Variants in GARNL3 observed in about 807,000 individuals in gnomAD.
GARNL3 encodes GTPase-activating Rap/Ran-GAP domain-like protein 3.
A neutral mutation model predicts 125.0 loss-of-function variants in GARNL3; 63 were observed. The ratio of observed to expected loss-of-function variants is 0.50; its 90% CI spans 0.41 to 0.62. The LOEUF (loss-of-function observed/expected upper bound fraction) is 0.62. Ranked by LOEUF, GARNL3 falls within the 20% of genes least tolerant of loss-of-function variation. The pLI is 0.00. For missense variants in GARNL3, 994 were observed against 1,244.0 expected, an observed-to-expected ratio of 0.80 and a Z score of 3.02; for synonymous variants, 439 against 457.5, an observed-to-expected ratio of 0.96 and a Z score of 0.52.
At chr9:127,332,946 A>C (rs1829343340) in intron 8 of GARNL3, 77 bp from the exon 9 acceptor site, 8 of 993,848 alleles carry the variant, frequency 8.0e-6, no homozygotes, top group African/African-American at 1.6e-5. Context: ...TTAATTTTCC[A>C]GCGATTCCGG....
At chr9:127,333,348 T>C (rs1438247841) in intron 9 of GARNL3, among the ~76,000 whole-genome samples, 3 of 152,128 alleles carry the variant, frequency 2.0e-5, no homozygotes, top group African/African-American at 7.2e-5. Flanking sequence ...GTGTCAGAAG[T>C]CCTGGTCTGC....
intron 22 of GARNL3, among the ~76,000 whole-genome samples, chr9:127,372,149 T>C (rs1322051412): frequency 6.6e-6 from 1 of 152,248 alleles, no homozygotes; most frequent in Non-Finnish European, 1.5e-5. Context: ...TCATTCATTT[T>C]TCTTCAAAGC....
intron 7 of GARNL3, among the ~76,000 whole-genome samples, chr9:127,330,419 A>G (rs1829158863): frequency 6.6e-6 from 1 of 152,248 alleles, no homozygotes. Context: ...GAGACATCGT[A>G]TGAAAAATAA....
intron 22 of GARNL3, among the ~76,000 whole-genome samples, chr9:127,381,753 C>T (rs888464749): frequency 5.8e-5 from 8 of 137,338 alleles, no homozygotes; most frequent in Non-Finnish European, 9.2e-5. Flanking sequence ...CCCGCCACCA[C>T]GCCCGGCTAA....
intron 2 of GARNL3, among the ~76,000 whole-genome samples, chr9:127,256,086 C>G (rs1305495381): frequency 1.3e-5 from 2 of 152,174 alleles, no homozygotes; most frequent in Non-Finnish European, 2.9e-5. Context: ...GAATTATTTT[C>G]CTTATATTAA....
At chr9:127,230,646 TC>T (rs2062984000) in intron 1 of GARNL3, among the ~76,000 whole-genome samples, 1 of 135,456 alleles carries the variant, frequency 7.4e-6, no homozygotes, top group African/African-American at 2.8e-5. Flanking sequence ...AGAGTGAAAC[TC>T]CATCTCACCA....
chr9:127,291,139 T>A (rs1323253644), intron 1 of GARNL3, 29 bp from the exon 2 acceptor site: 1 of 1,606,080 alleles, frequency 6.2e-7, no homozygotes, highest in African/African-American at 1.3e-5. Flanking sequence ...TTGTAAATGC[T>A]TCCTAATTGA....
chr9:127,313,754 TG>T (rs1334603261), intron 4 of GARNL3, among the ~76,000 whole-genome samples, 195 bp downstream of exon 4: 5 of 150,386 alleles, frequency 3.3e-5, no homozygotes, highest in East Asian at 1.9e-4. Context: ...TCTGGCCTTT[TG>T]AAAAAAAAAA....
At chr9:127,273,362 C>T (rs190391919) in intron 1 of GARNL3, among the ~76,000 whole-genome samples, 7 of 152,328 alleles carry the variant, frequency 4.6e-5, no homozygotes, top group East Asian at 3.9e-4. Flanking sequence ...ACAAATACCG[C>T]TGTCCTTAAT....
At chr9:127,359,272 C>A (rs546497201) in intron 21 of GARNL3, among the ~76,000 whole-genome samples, 13 of 152,152 alleles carry the variant, frequency 8.5e-5, no homozygotes, top group Non-Finnish European at 1.9e-4. Flanking sequence ...GGCGGATCAC[C>A]TGAGGTCAGG....
At position 127,320,730 on chromosome 9, in the gene GARNL3, C is replaced by A; in HGVS notation, c.519C>A (p.Asp173Glu). 5 of 1,612,120 alleles carry A rather than the reference C, an allele frequency of 3.1e-6. No homozygotes were observed. Among genetic ancestry groups the A allele is most frequent in the Admixed American group, 3.3e-5 (2 of 59,986 alleles). ...TCTATTTCAGTGCCATGAATCTGGA[C>A]AAATTTGAGAAAGGCCCCAGGGAAA... ...VKSILSAMNL[D>E]KFEKGPREIF... Residue 173 changes from aspartate (D) to glutamate (E), a missense_variant, in exon 6 of 28, where the codon GAC becomes GAA. Around this residue, in one of 5 missense-constraint regions of GARNL3, gnomAD observed 139 missense variants for 231.6 expected, o/e 0.60. Coordinates refer to ENST00000373387, the MANE Select transcript of GARNL3 (RefSeq NM_032293.5).
intron 16 of GARNL3, among the ~76,000 whole-genome samples, chr9:127,347,099 A>G (rs558816906): frequency 6.6e-6 from 1 of 152,292 alleles, no homozygotes; most frequent in South Asian, 2.1e-4. Flanking sequence ...ACCCGTGTAA[A>G]GCAATGGACA....
intron 13 of GARNL3, among the ~76,000 whole-genome samples, chr9:127,341,469 G>A (rs1417288369): frequency 6.6e-6 from 1 of 152,220 alleles, no homozygotes; most frequent in Non-Finnish European, 1.5e-5. Flanking sequence ...CCAGAAAGCT[G>A]AAATTGTATG....
At chr9:127,354,271 C>A (rs199987861) in intron 18 of GARNL3, 23 bp from the exon 19 acceptor site, 4 of 1,574,928 alleles carry the variant, frequency 2.5e-6, no homozygotes, top group East Asian at 4.5e-5. Context: ...TAATCTCCTC[C>A]TCTGTCTTTT....
intron 12 of GARNL3, among the ~76,000 whole-genome samples, chr9:127,339,186 A>T (rs995445375): frequency 6.6e-6 from 1 of 151,884 alleles, no homozygotes; most frequent in Non-Finnish European, 1.5e-5. Flanking sequence ...AGTCCCAGCT[A>T]CTTGGGAGGC....
chr9:127,230,062 A>G (rs1458722007), intron 1 of GARNL3, among the ~76,000 whole-genome samples: 2 of 152,192 alleles, frequency 1.3e-5, no homozygotes, highest in Non-Finnish European at 2.9e-5. Flanking sequence ...AGAATAAGAC[A>G]CTTATGCTGT....
intron 21 of GARNL3, among the ~76,000 whole-genome samples, chr9:127,359,275 A>T (rs970427246): frequency 2.0e-5 from 3 of 152,298 alleles, no homozygotes; most frequent in South Asian, 4.2e-4. Context: ...GGATCACCTG[A>T]GGTCAGGAGT....
rs780548294 is a variant in GARNL3, at chr9:127,280,313, T to G, written c.145-10855T>G. On this transcript the variant is annotated intron_variant, in intron 1 of 27. Transcript: ENST00000373387. The surrounding 1 kb of genome is among the most constrained non-coding windows in gnomAD (Gnocchi z 4.5). The stretch of plus-strand genomic sequence containing the variant: ...GAGGACCACATTCTCTAAGATGGAC[T>G]CACTCTCCCTCCCTACTTCTTGCCC... Among the ~76,000 whole-genome samples the G allele has an allele frequency of 2.0e-5, 3 of 152,202 alleles. No homozygotes were observed. Among genetic ancestry groups the G allele is most frequent in the Non-Finnish European group, 2.9e-5 (2 of 68,034 alleles).
intron 1 of GARNL3, among the ~76,000 whole-genome samples, chr9:127,233,378 C>G (rs2063054167): frequency 6.6e-6 from 1 of 152,254 alleles, no homozygotes; most frequent in East Asian, 1.9e-4. Context: ...CTTCCATTCA[C>G]AGAGACCAAG....
Sources: gnomAD v4.1 joint callset for allele counts (sites outside exome capture counted in the v4.1 genomes callset) on GRCh38, gnomAD v4.1.1 for gene constraint, gnomAD v4.1.1 regional missense constraint, Gnocchi (gnomAD v3.1) non-coding constraint, MANE v1.5 for transcripts, NCBI Gene and HGNC (gene_info 2026-07-23, HGNC 2026-07-21) for gene names.